Variants in C1QL3 observed in about 807,000 individuals in gnomAD.
C1QL3 encodes the protein complement C1q like 3.
A neutral mutation model predicts 16.6 loss-of-function variants in C1QL3; 4 were observed. The ratio of observed to expected loss-of-function variants is 0.24; its 90% CI spans 0.12 to 0.55. The LOEUF (loss-of-function observed/expected upper bound fraction) is 0.55, where lower values mean the gene tolerates loss of function less well. C1QL3 is among the 20% of genes least tolerant of loss of function. The pLI is 0.94. For synonymous variants in C1QL3, 189 were observed against 160.2 expected, an observed-to-expected ratio of 1.18 and a Z score of -1.36; for missense variants, 269 against 365.6, an observed-to-expected ratio of 0.74 and a Z score of 2.16.
rs1480783535 is a variant in C1QL3 at position 16,521,674 on chromosome 10, A to ACG, written c.-611_-610dup. The ACG allele has an allele frequency of 1.3e-5, 2 of 150,254 alleles. No homozygotes were observed. Among genetic ancestry groups the ACG allele is most frequent in the Non-Finnish European group, 2.9e-5 (2 of 67,802 alleles). 9.3% of individuals were successfully genotyped at this position (150,254 alleles called of 1,614,324 possible). ...TTTGCCACCACCACAACTCGAATAG[A>ACG]CGCGCACCCCAAAGCCCCGCGTGGG... On this transcript the variant is annotated 5_prime_UTR_variant, in exon 1 of 2. Coordinates refer to ENST00000298943, the MANE Select transcript of C1QL3 (RefSeq NM_001010908.2).
chr10:16,514,734 TG>T, intron 1 of C1QL3, 27 bp from the exon 2 acceptor site: 1 of 1,560,420 alleles, frequency 6.4e-7, no homozygotes, highest in South Asian at 1.2e-5. Context: ...AGAATTAGGA[TG>T]CGTAAATGAG....
At chr10:16,519,159 G>C (rs1479545049) in intron 1 of C1QL3, among the ~76,000 whole-genome samples, 2 of 14,848 alleles carry the variant, frequency 1.3e-4, no homozygotes, top group Admixed American at 6.3e-4. Context: ...TTTTTTTTTT[G>C]GTCTTTCACT....
At chr10:16,515,425 C>T (rs1564416925) in intron 1 of C1QL3, among the ~76,000 whole-genome samples, 2 of 152,014 alleles carry the variant, frequency 1.3e-5, no homozygotes. Context: ...AGAATTTAAC[C>T]TCAACATATC....
chr10:16,514,672 C>A lies in C1QL3; in HGVS notation c.624G>T (p.Gln208His), dbSNP rs2133535849. The change falls in exon 2 of 2, where the codon CAG becomes CAT. Residue 208 changes from glutamine to histidine, a missense_variant. Gln to His is a conservative substitution (Grantham distance 24, BLOSUM62 0). This residue lies in a region of C1QL3 where 23 missense variants were observed against 68.4 expected (regional missense o/e 0.34). Transcript: ENST00000298943. The part of the protein sequence containing the change: ...RASAIAQDAD[Q>H]NYDYASNSVV... ...CACTGTTACTGGCATAGTCGTAATT[C>A]TGATCAGCATCTTGGGCAATTGCAC... 1 of 1,613,822 alleles carries A rather than the reference C, an allele frequency of 6.2e-7. No homozygotes were observed. Among genetic ancestry groups the A allele is most frequent in the East Asian group, 2.2e-5 (1 of 44,880 alleles).
Position 16,514,280 on chromosome 10 carries a change from C to T in C1QL3, c.*248G>A. On this transcript the variant is annotated 3_prime_UTR_variant, in exon 2 of 2. Coordinates refer to ENST00000298943, the MANE Select transcript of C1QL3 (RefSeq NM_001010908.2). ...TGTGATCTATATAGGACTTCATTCACATGGACACTAACGATAAGGAGTATT... is the reference window on the plus strand; with the variant it reads ...TGTGATCTATATAGGACTTCATTCATATGGACACTAACGATAAGGAGTATT... 1.8e-6 allele frequency: 1 copy of T among 552,522 alleles called. No homozygotes were observed. Among genetic ancestry groups the T allele is most frequent in the Non-Finnish European group, 3.2e-6 (1 of 314,292 alleles). 34.2% of individuals were successfully genotyped at this position (552,522 alleles called of 1,614,324 possible).
rs1333187299 is a variant in C1QL3 at position 16,521,817 on chromosome 10, C to CGGAGCGAGAGAGAG, written c.-766_-753dup. ...GCGGCGAGCGCCTCACGGCCGGGAGCGGAGCGAGAGAGAGACTGAAGGCAG... is the reference window on the plus strand; with the variant it reads ...GCGGCGAGCGCCTCACGGCCGGGAGCGGAGCGAGAGAGAGGGAGCGAGAGAGAGACTGAAGGCAG... On this transcript the variant is annotated 5_prime_UTR_variant, in exon 1 of 2. Transcript: ENST00000298943. The CGGAGCGAGAGAGAG allele has an allele frequency of 3.3e-5, 5 of 152,634 alleles. No individual in the cohort carries two copies. Among genetic ancestry groups the CGGAGCGAGAGAGAG allele is most frequent in the African/African-American group, 1.2e-4 (5 of 41,394 alleles). The allele number at this position is 152,634 out of a possible 1,614,324, so 9.5% of individuals were successfully genotyped here. A position where few individuals can be genotyped will look rare whatever the true frequency, so the allele number is the denominator to read the frequency against.
intron 1 of C1QL3, among the ~76,000 whole-genome samples, chr10:16,519,140 C>CTTTTTTTATTTTTTTTTTTTTTTTTTTT (rs1836996920): frequency 2.5e-5 from 1 of 39,476 alleles, no homozygotes; most frequent in African/African-American, 1.5e-4. Context: ...GCATTTAGGA[C>CTTTTTTTATTTTTTTTTTTTTTTTTTTT]TTTTTTTTTT....
chr10:16,521,176 G>A lies in C1QL3; in HGVS notation c.-111C>T. 2 of 1,059,918 alleles carry A rather than the reference G, an allele frequency of 1.9e-6. No homozygotes were observed. The highest frequency in any genetic ancestry group is 1.4e-6 in the Non-Finnish European group (1 of 735,182). The allele number at this position is 1,059,918 out of a possible 1,614,324, so 65.7% of individuals were successfully genotyped here. A position where few individuals can be genotyped will look rare whatever the true frequency, so the allele number is the denominator to read the frequency against. ...TTGGACAGAATTTTGAAGGTTGGGC[G>A]GGGACCTCTTCAGAGCCGAAAACAA... On this transcript the variant is annotated 5_prime_UTR_variant, in exon 1 of 2. Transcript: ENST00000298943.
chr10:16,514,461 A>G lies in C1QL3; in HGVS notation c.*67T>C, dbSNP rs1836916714. The G allele has an allele frequency of 1.4e-6, 2 of 1,407,380 alleles. No homozygotes were observed. Among genetic ancestry groups the G allele is most frequent in the Non-Finnish European group, 9.9e-7 (1 of 1,015,174 alleles). 87.2% of individuals were successfully genotyped at this position (1,407,380 alleles called of 1,614,324 possible). ...CCATTGGCATCCCCTGGGATCCTTG[A>G]TTCACTGACGTTAGCCATACGAATC... On this transcript the variant is annotated 3_prime_UTR_variant, in exon 2 of 2. Transcript: ENST00000298943.
chr10:16,517,735 A>T (rs1351181328), intron 1 of C1QL3, among the ~76,000 whole-genome samples: 10 of 152,196 alleles, frequency 6.6e-5, no homozygotes, highest in East Asian at 1.9e-4. Flanking sequence ...TAGTTTTAGC[A>T]TTATCTTATT....
intron 1 of C1QL3, among the ~76,000 whole-genome samples, chr10:16,516,910 G>A (rs58315377): frequency 1.3e-5 from 2 of 152,128 alleles, no homozygotes; most frequent in South Asian, 2.1e-4. Flanking sequence ...ATACTGTACC[G>A]TAAGACTGTC....
At position 16,521,106 on chromosome 10, in the gene C1QL3, C is replaced by A. The variant is rs753122423; in HGVS notation, c.-41G>T. ...CCCGGCGGCGATCAGGCGCCTCCTGCTGCCCACCAGCCGGCTCAGCGCGGG... is the reference window on the plus strand; with the variant it reads ...CCCGGCGGCGATCAGGCGCCTCCTGATGCCCACCAGCCGGCTCAGCGCGGG... On this transcript the variant is annotated 5_prime_UTR_variant, in exon 1 of 2. Transcript: ENST00000298943. The A allele has an allele frequency of 1.3e-6, 2 of 1,536,720 alleles. No individual in the cohort carries two copies. Among genetic ancestry groups the A allele is most frequent in the African/African-American group, 2.7e-5 (2 of 72,766 alleles).
chr10:16,519,140 C>CTTTTT lies in C1QL3; in HGVS notation c.588+1333_588+1337dup, dbSNP rs567187339. Reference sequence around the variant, plus strand: ...TTTTTTCTCTCTTACGCATTTAGGACTTTTTTTTTTTTTTTTTTGGTCTTT... The same window carrying CTTTTT: ...TTTTTTCTCTCTTACGCATTTAGGACTTTTTTTTTTTTTTTTTTTTTTTGGTCTTT... On this transcript the variant is annotated intron_variant, in intron 1 of 1. Transcript: ENST00000298943. Among the ~76,000 whole-genome samples, 75 of 39,454 alleles carry CTTTTT rather than the reference C, an allele frequency of 1.9e-3. 6 individuals are homozygous for CTTTTT. The highest frequency in any genetic ancestry group is 2.3e-3 in the Non-Finnish European group (52 of 22,678). The allele number at this position is 39,454 out of a possible 152,430, so 25.9% of individuals were successfully genotyped here.
At position 16,520,473 on chromosome 10, in the gene C1QL3, CT is replaced by C; in HGVS notation, c.588+4del. 6.5e-7 allele frequency: 1 copy of C among 1,546,168 alleles called. No individual in the cohort carries two copies. The highest frequency in any genetic ancestry group is 8.8e-7 in the Non-Finnish European group (1 of 1,139,956). Reference sequence around the variant, plus strand: ...CCGCCCTCCCCGCCGCCCGCCCGCGCTCACCTGGTTGTTTTTGCAGAGATCA... The same window carrying C: ...CCGCCCTCCCCGCCGCCCGCCCGCGCCACCTGGTTGTTTTTGCAGAGATCA... On this transcript the variant is annotated splice_donor_region_variant and intron_variant, in intron 1 of 1. Transcript: ENST00000298943. This position sits in a 1 kb window ranked among gnomAD's most constrained non-coding sequence, Gnocchi z 8.3.
Position 16,520,813 on chromosome 10 carries a change from C to A in C1QL3, c.253G>T (p.Gly85Cys). 1 of 1,330,708 alleles carries A rather than the reference C, an allele frequency of 7.5e-7. No individual in the cohort carries two copies. The highest frequency in any genetic ancestry group is 9.6e-7 in the Non-Finnish European group (1 of 1,042,150). 82.4% of individuals were successfully genotyped at this position (1,330,708 alleles called of 1,614,324 possible). Residue 85 changes from glycine (G) to cysteine (C), a missense_variant, in exon 1 of 2, where the codon GGC (glycine) becomes TGC (cysteine). By Grantham distance (159) the Gly-to-Cys change is radical (BLOSUM62 -3). Around this residue, in one of 2 missense-constraint regions of C1QL3, gnomAD observed 246 missense variants for 297.2 expected, o/e 0.83. Coordinates refer to ENST00000298943, the MANE Select transcript of C1QL3 (RefSeq NM_001010908.2). This position sits in a 1 kb window ranked among gnomAD's most constrained non-coding sequence, Gnocchi z 8.3. Reference sequence around the variant, plus strand: ...TTCTCGCCCGGGGGCCCCATGGGGCCGGGTGGCCCGGGCTCTCCGGGGGGC... The same window carrying A: ...TTCTCGCCCGGGGGCCCCATGGGGCAGGGTGGCCCGGGCTCTCCGGGGGGC... ...RGPPGEPGPP[G>C]PMGPPGEKGE...
chr10:16,520,614 T>C lies in C1QL3; in HGVS notation c.452A>G (p.Asn151Ser). 6.2e-7 allele frequency: 1 copy of C among 1,613,648 alleles called. No homozygotes were observed. Among genetic ancestry groups the C allele is most frequent in the Non-Finnish European group, 8.5e-7 (1 of 1,179,780 alleles). ...EVLKFDDVVTNLGNHYDPTTG... is the reference protein window; with the variant it reads ...EVLKFDDVVTSLGNHYDPTTG... Reference sequence around the variant, plus strand: ...GGTGGGGTCGTAGTGGTTTCCGAGGTTGGTGACCACGTCGTCGAACTTGAG... The same window carrying C: ...GGTGGGGTCGTAGTGGTTTCCGAGGCTGGTGACCACGTCGTCGAACTTGAG... The change falls in exon 1 of 2, where the codon AAC becomes AGC. Residue 151 changes from asparagine (N) to serine (S), a missense_variant. By Grantham distance (46) the Asn-to-Ser change is conservative. Coordinates refer to ENST00000298943, the MANE Select transcript of C1QL3 (RefSeq NM_001010908.2). This position sits in a 1 kb window ranked among gnomAD's most constrained non-coding sequence, Gnocchi z 8.3.
At chr10:16,517,124 T>G (rs1243327487) in intron 1 of C1QL3, among the ~76,000 whole-genome samples, 1 of 152,216 alleles carries the variant, frequency 6.6e-6, no homozygotes, top group South Asian at 2.1e-4. Context: ...TTCCTAAATG[T>G]ACAGTGATTT....
chr10:16,514,598 C>T lies in C1QL3; in HGVS notation c.698G>A (p.Gly233Asp). 1 of 1,613,922 alleles carries T rather than the reference C, an allele frequency of 6.2e-7. No individual in the cohort carries two copies. The highest frequency in any genetic ancestry group is 2.2e-5 in the East Asian group (1 of 44,888). ...PGDEVYIKLD[G>D]GKAHGGNNNK... Reference sequence around the variant, plus strand: ...GTTGTTTCCTCCATGGGCTTTCCCGCCATCTAATTTGATATAGACTTCATC... The same window carrying T: ...GTTGTTTCCTCCATGGGCTTTCCCGTCATCTAATTTGATATAGACTTCATC... Residue 233 changes from glycine (G) to aspartate (D), a missense_variant, in exon 2 of 2, where the codon GGC becomes GAC. Physicochemically the swap from Gly to Asp is moderately conservative, Grantham distance 94. This residue lies in a region of C1QL3 where 23 missense variants were observed against 68.4 expected (regional missense o/e 0.34). Coordinates refer to ENST00000298943, the MANE Select transcript of C1QL3 (RefSeq NM_001010908.2).
intron 1 of C1QL3, among the ~76,000 whole-genome samples, chr10:16,516,229 G>T (rs1018194655): frequency 1.3e-5 from 2 of 152,148 alleles, no homozygotes; most frequent in Admixed American, 1.3e-4. Flanking sequence ...ATGCTTGGAA[G>T]CACTGACTCC....
Sources: gnomAD v4.1 joint callset for allele counts (sites outside exome capture counted in the v4.1 genomes callset) on GRCh38, gnomAD v4.1.1 for gene constraint, gnomAD v4.1.1 regional missense constraint, Gnocchi (gnomAD v3.1) non-coding constraint, MANE v1.5 for transcripts, NCBI Gene and HGNC (gene_info 2026-07-23, HGNC 2026-07-21) for gene names.